The following SLC13A3 variants were observed in gnomAD, a reference collection of about 807,000 sequenced individuals.
SLC13A3 encodes Na(+)/dicarboxylate cotransporter 3.
SLC13A3 carries 40 observed loss-of-function variants against 59.0 expected under a neutral mutation model. The observed-to-expected ratio is 0.68, with a 90% CI of 0.53 to 0.88. SLC13A3 has a LOEUF of 0.88. Among genes scored for constraint, SLC13A3 ranks in the 40% least tolerant of loss-of-function variants. The pLI, the probability that SLC13A3 is intolerant of heterozygous loss-of-function variation, is 0.00. For missense variants in SLC13A3, 699 were observed against 783.2 expected, an observed-to-expected ratio of 0.89 and a Z score of 1.28; for synonymous variants, 317 against 330.3, an observed-to-expected ratio of 0.96 and a Z score of 0.44.
Position 46,643,775 on chromosome 20 carries a change from T to C in SLC13A3, c.111+7536A>G, listed in dbSNP as rs957438857. On this transcript the variant is annotated intron_variant, in intron 1 of 12. Coordinates refer to ENST00000279027, the MANE Select transcript of SLC13A3 (RefSeq NM_022829.6). ...AAACATTGATGAGGCCAGATACAGT[T>C]GCTCGTGCCTGTAATCCCAGAATTT... is the stretch of plus-strand genomic sequence containing the variant. 2.0e-5 allele frequency among the ~76,000 whole-genome samples: 3 copies of C among 152,196 alleles called. No individual in the cohort carries two copies. In the East Asian group the frequency reaches 5.8e-4, roughly 29 times the overall value.
In SLC13A3 at chr20:46,587,846, T is replaced by C. The variant is rs374143306; in HGVS notation, c.1121+213A>G. On this transcript the variant is annotated intron_variant, in intron 8 of 12. Coordinates refer to ENST00000279027, the MANE Select transcript of SLC13A3 (RefSeq NM_022829.6). ...TAACCCAGTTTAGTCTGACTCCAAA[T>C]CCAGAGCTCCCAACACATGAGAAGT... Among the ~76,000 whole-genome samples the C allele has an allele frequency of 1.5e-4, 23 of 152,278 alleles. No homozygotes were observed. In the East Asian group the frequency reaches 4.1e-3, roughly 27 times the overall value.
chr20:46,679,615 A>G (rs2063144337), intron 1 of SLC13A3, among the ~76,000 whole-genome samples: 1 of 145,368 alleles, frequency 6.9e-6, no homozygotes, highest in Middle Eastern at 3.5e-3. Flanking sequence ...CTCCGTCTCA[A>G]AAAAAAAAAG....
chr20:46,627,232 G>T (rs1008253836), intron 1 of SLC13A3, among the ~76,000 whole-genome samples: 1 of 152,138 alleles, frequency 6.6e-6, no homozygotes, highest in African/African-American at 2.4e-5. Context: ...TCATATGCAG[G>T]GGACAATTTA....
chr20:46,561,663 T>G (rs2061932368), intron 12 of SLC13A3, among the ~76,000 whole-genome samples: 1 of 150,512 alleles, frequency 6.6e-6, no homozygotes, highest in Non-Finnish European at 1.5e-5. Context: ...TTTTTTTGTT[T>G]TTTTTTTTTA....
At chr20:46,657,608 G>C (rs140948936) in intron 1 of SLC13A3, among the ~76,000 whole-genome samples, 1 of 152,130 alleles carries the variant, frequency 6.6e-6, no homozygotes, top group African/African-American at 2.4e-5. Flanking sequence ...ATCTGAGGTG[G>C]GGGGAGTTGT....
chr20:46,638,387 A>T (rs887155190), intron 1 of SLC13A3, among the ~76,000 whole-genome samples: 1 of 152,204 alleles, frequency 6.6e-6, no homozygotes, highest in African/African-American at 2.4e-5. Context: ...TCAAGAGAGA[A>T]AGGTGCAGGA....
At chr20:46,587,917 G>A (rs1439232383) in intron 8 of SLC13A3, 142 bp downstream of exon 8, 1 of 492,242 alleles carries the variant, frequency 2.0e-6, no homozygotes, top group Admixed American at 3.8e-5. Flanking sequence ...GTGAAAGAGG[G>A]ACCTATTAAT....
At chr20:46,606,950 C>A (rs965134815) in intron 3 of SLC13A3, among the ~76,000 whole-genome samples, 3 of 152,218 alleles carry the variant, frequency 2.0e-5, no homozygotes, top group Non-Finnish European at 4.4e-5. Context: ...TGGAGAAAGG[C>A]AACAGCGCTG....
rs992468631 is a variant in SLC13A3, at chr20:46,582,278, G to A, written c.1219+1294C>T. 2.6e-5 allele frequency among the ~76,000 whole-genome samples: 4 copies of A among 151,774 alleles called. No homozygotes were observed. The South Asian group carries it at 8.4e-4, about 32-fold the overall frequency. ...GGGACTACCAGGAATGCCTCACCACGCCCAGCTATTTTTTTTATTTTTTAA... is the reference window on the plus strand; with the variant it reads ...GGGACTACCAGGAATGCCTCACCACACCCAGCTATTTTTTTTATTTTTTAA... On this transcript the variant is annotated intron_variant, in intron 9 of 12. Transcript: ENST00000279027.
chr20:46,651,572 G>T (rs1439880759), upstream of SLC13A3: 1 of 1,303,398 alleles, frequency 7.7e-7, no homozygotes. Flanking sequence ...TGGTGCCTGC[G>T]CCCCTGGGAC....
intron 1 of SLC13A3, among the ~76,000 whole-genome samples, chr20:46,657,691 C>G (rs2063003539): frequency 6.6e-6 from 1 of 152,078 alleles, no homozygotes; most frequent in South Asian, 2.1e-4. Flanking sequence ...GTTTAATGAG[C>G]TCATCGTTCT....
At chr20:46,606,891 G>GC (rs1457945002) in intron 3 of SLC13A3, among the ~76,000 whole-genome samples, 1 of 152,236 alleles carries the variant, frequency 6.6e-6, no homozygotes, top group Non-Finnish European at 1.5e-5. Context: ...CACTCACATG[G>GC]CCCCTGGGTC....
intron 9 of SLC13A3, among the ~76,000 whole-genome samples, chr20:46,579,730 G>A (rs566139196): frequency 5.3e-5 from 8 of 152,182 alleles, no homozygotes; most frequent in Non-Finnish European, 8.8e-5. Context: ...GGCCCACATA[G>A]TATTTGTTTT....
chr20:46,598,259 G>A (rs1470641303), intron 4 of SLC13A3, among the ~76,000 whole-genome samples: 9 of 152,194 alleles, frequency 5.9e-5, no homozygotes, highest in Non-Finnish European at 8.8e-5. Flanking sequence ...ATGACAGGAA[G>A]GCAAAGACCA....
At chr20:46,615,358 T>C (rs537382923) in intron 1 of SLC13A3, among the ~76,000 whole-genome samples, 2 of 152,192 alleles carry the variant, frequency 1.3e-5, no homozygotes, top group African/African-American at 2.4e-5. Flanking sequence ...ATAGAACATA[T>C]CCTCAGCGAA....
intron 1 of SLC13A3, among the ~76,000 whole-genome samples, chr20:46,636,620 C>A (rs113192938): frequency 1.3e-3 from 197 of 152,228 alleles, no homozygotes; most frequent in African/African-American, 4.6e-3. Flanking sequence ...CATCACAGCC[C>A]CATGAGGCTG....
At chr20:46,648,557 T>C (rs2062917968) in intron 1 of SLC13A3, among the ~76,000 whole-genome samples, 1 of 152,024 alleles carries the variant, frequency 6.6e-6, no homozygotes, top group South Asian at 2.1e-4. Context: ...ACAAGGGAAC[T>C]GTAGGGAACA....
chr20:46,600,718 A>G (rs2062371831), intron 3 of SLC13A3: 1 of 310,174 alleles, frequency 3.2e-6, no homozygotes, highest in Non-Finnish European at 7.4e-6. Context: ...ACTATGTGCT[A>G]TTGACTATGT....
chr20:46,601,863 G>A (rs1255480561), intron 3 of SLC13A3, among the ~76,000 whole-genome samples: 1 of 152,124 alleles, frequency 6.6e-6, no homozygotes, highest in Non-Finnish European at 1.5e-5. Flanking sequence ...GAGGAGAAGA[G>A]TAAGAGGAGG....
Sources: allele counts gnomAD v4.1 joint callset (sites outside exome capture counted in the v4.1 genomes callset), GRCh38; gene constraint gnomAD v4.1.1; transcripts MANE v1.5; gene names NCBI Gene and HGNC (gene_info 2026-07-23, HGNC 2026-07-21).